Variants in AFAP1 observed in about 807,000 individuals in gnomAD.
AFAP1 encodes the protein actin filament-associated protein 1.
Under a neutral mutation model 93.9 loss-of-function variants are expected in AFAP1, and 75 were observed. That is an observed-to-expected ratio of 0.80 (90% CI 0.66 to 0.97). The LOEUF (loss-of-function observed/expected upper bound fraction) is 0.97. AFAP1 is among the 50% of genes least tolerant of loss of function. The pLI, the probability that AFAP1 is intolerant of heterozygous loss-of-function variation, is 0.00. For synonymous variants in AFAP1, 517 were observed against 430.7 expected, an observed-to-expected ratio of 1.20 and a Z score of -2.48; for missense variants, 1,201 against 1,050.8, an observed-to-expected ratio of 1.14 and a Z score of -1.98.
intron 3 of AFAP1, among the ~76,000 whole-genome samples, chr4:7,858,003 G>A (rs569381004): frequency 6.6e-6 from 1 of 152,176 alleles, no homozygotes; most frequent in South Asian, 2.1e-4. Flanking sequence ...AACCACATAA[G>A]GATGTTCAAT....
At chr4:7,801,073 G>T (rs890594662) in intron 9 of AFAP1, among the ~76,000 whole-genome samples, 1 of 152,158 alleles carries the variant, frequency 6.6e-6, no homozygotes. Context: ...GATACAAGTA[G>T]AGTAAGAGTC....
intron 13 of AFAP1, among the ~76,000 whole-genome samples, chr4:7,779,840 C>G (rs1396645251): frequency 6.6e-6 from 1 of 152,216 alleles, no homozygotes. Context: ...AGTGCAAGGT[C>G]TCGCCATTAA....
At chr4:7,884,162 C>T (rs570634740) in intron 1 of AFAP1, among the ~76,000 whole-genome samples, 2 of 152,196 alleles carry the variant, frequency 1.3e-5, no homozygotes, top group Non-Finnish European at 2.9e-5. Flanking sequence ...CCTGCTCCCC[C>T]CTTCACCTTC....
intron 13 of AFAP1, 151 bp downstream of exon 13, chr4:7,781,225 T>C (rs1481773778): frequency 3.0e-6 from 3 of 996,380 alleles, no homozygotes; most frequent in East Asian, 2.6e-5. Context: ...AGTTCCTTGG[T>C]AGTCAGGCTG....
chr4:7,764,334 A>G (rs1714241571), intron 17 of AFAP1, among the ~76,000 whole-genome samples: 1 of 151,970 alleles, frequency 6.6e-6, no homozygotes, highest in Admixed American at 6.6e-5. Context: ...TGAGGCTAGG[A>G]GTTTGAGACC....
At chr4:7,899,779 C>T (rs1282460156) in intron 1 of AFAP1, among the ~76,000 whole-genome samples, 3 of 152,008 alleles carry the variant, frequency 2.0e-5, no homozygotes, top group African/African-American at 7.3e-5. Flanking sequence ...TATGTTTGAA[C>T]CAGAGATGGC....
At position 7,900,380 on chromosome 4, in the gene AFAP1, G is replaced by A. The variant is rs568858719; in HGVS notation, c.-2-28300C>T. On this transcript the variant is annotated intron_variant, in intron 1 of 17. Coordinates refer to ENST00000420658, the MANE Select transcript of AFAP1 (RefSeq NM_001134647.2). ...CACATTTAGCTGCGCATTTAGCACA[G>A]CTAAAATGGCCATTCTTCCCCACAG... is the stretch of plus-strand genomic sequence containing the variant. Among the ~76,000 whole-genome samples, 18 of 151,980 alleles carry A rather than the reference G, an allele frequency of 1.2e-4. No homozygotes were observed. In the East Asian group the frequency reaches 3.5e-3, roughly 29 times the overall value.
intron 6 of AFAP1, among the ~76,000 whole-genome samples, chr4:7,827,193 G>C (rs1364191071): frequency 6.6e-6 from 1 of 152,194 alleles, no homozygotes; most frequent in Non-Finnish European, 1.5e-5. Context: ...CTGAGGCACG[G>C]AAGGAGTGAA....
chr4:7,794,635 C>T (rs1257583462), intron 10 of AFAP1, among the ~76,000 whole-genome samples: 1 of 152,092 alleles, frequency 6.6e-6, no homozygotes, highest in African/African-American at 2.4e-5. Context: ...AATCCTCCTG[C>T]CTCAGCCTCC....
At chr4:7,769,666 T>G (rs1404395392) in intron 16 of AFAP1, among the ~76,000 whole-genome samples, 1 of 152,104 alleles carries the variant, frequency 6.6e-6, no homozygotes, top group African/African-American at 2.4e-5. Context: ...AACGCCACAG[T>G]CTGCTGAGCC....
chr4:7,904,792 G>A lies in AFAP1; in HGVS notation c.-2-32712C>T, dbSNP rs192472491. Among the ~76,000 whole-genome samples, 352 of 152,166 alleles carry A rather than the reference G, an allele frequency of 2.3e-3. 1 individual carries two copies. The highest frequency in any genetic ancestry group is 4.1e-3 in the Non-Finnish European group (282 of 68,022). On this transcript the variant is annotated intron_variant, in intron 1 of 17. Coordinates refer to ENST00000420658, the MANE Select transcript of AFAP1 (RefSeq NM_001134647.2). ...CGCGATGATGGTTCACTGCAGCCTT[G>A]ACTTCCTGGGCTCAAGAGATTCTCG... is the stretch of plus-strand genomic sequence containing the variant.
At chr4:7,876,635 C>T (rs922418900) in intron 1 of AFAP1, among the ~76,000 whole-genome samples, 1 of 152,156 alleles carries the variant, frequency 6.6e-6, no homozygotes, top group Admixed American at 6.5e-5. Flanking sequence ...TCTCAGACGC[C>T]GACCATGCTC....
intron 1 of AFAP1, among the ~76,000 whole-genome samples, chr4:7,936,717 G>A (rs1024268723): frequency 2.0e-5 from 3 of 152,006 alleles, no homozygotes; most frequent in Non-Finnish European, 4.4e-5. Flanking sequence ...GAGTAGCTGG[G>A]ACAACAGGCA....
At chr4:7,795,120 T>C (rs530950264) in intron 10 of AFAP1, among the ~76,000 whole-genome samples, 3 of 152,184 alleles carry the variant, frequency 2.0e-5, no homozygotes, top group Non-Finnish European at 4.4e-5. Flanking sequence ...TTCCATGCAA[T>C]GTATAAAGGC....
intron 3 of AFAP1, among the ~76,000 whole-genome samples, chr4:7,859,072 G>C (rs961050230): frequency 2.6e-5 from 4 of 152,202 alleles, no homozygotes; most frequent in African/African-American, 9.6e-5. Context: ...AACACGGCCT[G>C]CATCTGTCCC....
chr4:7,872,742 G>A (rs994354199), intron 1 of AFAP1, among the ~76,000 whole-genome samples: 1 of 151,926 alleles, frequency 6.6e-6, no homozygotes, highest in Non-Finnish European at 1.5e-5. Flanking sequence ...CTCCTTTCAG[G>A]GAGCCCACAA....
chr4:7,805,430 G>A (rs991605164), intron 9 of AFAP1, among the ~76,000 whole-genome samples: 10 of 152,134 alleles, frequency 6.6e-5, no homozygotes, highest in Non-Finnish European at 1.2e-4. Flanking sequence ...CTTGTCTGAC[G>A]TTGCATTTAC....
chr4:7,878,718 T>C (rs1345764529), intron 1 of AFAP1, among the ~76,000 whole-genome samples: 2 of 152,220 alleles, frequency 1.3e-5, no homozygotes, highest in Non-Finnish European at 2.9e-5. Context: ...CATAATAACC[T>C]TTCAAGATAG....
intron 4 of AFAP1, among the ~76,000 whole-genome samples, chr4:7,851,146 G>C (rs2149133208): frequency 6.6e-6 from 1 of 152,328 alleles, no homozygotes; most frequent in Non-Finnish European, 1.5e-5. Flanking sequence ...CCTTTAGAGA[G>C]AACCATCTTA....
Sources: allele counts gnomAD v4.1 joint callset (sites outside exome capture counted in the v4.1 genomes callset), GRCh38; gene constraint gnomAD v4.1.1; transcripts MANE v1.5; gene names NCBI Gene and HGNC (gene_info 2026-07-23, HGNC 2026-07-21).